Variants in FAT2 observed in about 807,000 individuals in gnomAD.
FAT2 encodes the protein protocadherin Fat 2.
FAT2 carries 150 observed loss-of-function variants against 295.3 expected under a neutral mutation model. The ratio of observed to expected loss-of-function variants is 0.51; its 90% CI spans 0.44 to 0.58. FAT2 has a LOEUF of 0.58. Ranked by LOEUF, FAT2 falls within the 20% of genes least tolerant of loss-of-function variation. The pLI is 0.00. For synonymous variants in FAT2, 2,026 were observed against 2,150.3 expected (o/e 0.94, Z 1.60); for missense variants, 4,868 against 5,442.7 (o/e 0.89, Z 3.32).
In FAT2 at chr5:151,549,424, G is replaced by T; in HGVS notation, c.4660C>A (p.Arg1554Ser). The change falls in exon 9 of 24, where the codon CGC becomes AGC. Residue 1554 changes from arginine to serine, a missense_variant. By Grantham distance (110) the Arg-to-Ser change is moderately radical. Transcript: ENST00000261800. The stretch of plus-strand genomic sequence containing the variant: ...GCCTCATAATGGAGCTGAGTGAAGC[G>T]GGGTGGGTGGAGGTTTCCATCCTCC... ...HVEDGNLHPP[R>S]FTQLHYEASV... 1 of 1,614,140 alleles carries T rather than the reference G, an allele frequency of 6.2e-7. No individual in the cohort carries two copies. The highest frequency in any genetic ancestry group is 8.5e-7 in the Non-Finnish European group (1 of 1,180,022).
chr5:151,563,009 C>A (rs1046464244), intron 3 of FAT2, among the ~76,000 whole-genome samples: 4 of 152,164 alleles, frequency 2.6e-5, no homozygotes, highest in Non-Finnish European at 5.9e-5. Context: ...CAATGGGCAA[C>A]CTGCTTAGTT....
Position 151,521,679 on chromosome 5 carries a change from G to T in FAT2, c.10914C>A (p.Leu3638=). 6.2e-7 allele frequency: 1 copy of T among 1,613,998 alleles called. No homozygotes were observed. The highest frequency in any genetic ancestry group is 1.1e-5 in the South Asian group (1 of 91,082). The change falls in exon 19 of 24, where the codon CTC becomes CTA. Residue 3638 remains leucine (L), a synonymous_variant. Transcript: ENST00000261800. ...QQAMWMGFYQ[L]TPEELVSDHW... is the part of the protein sequence containing the mutation. ...GGTCACTCACCAGCTCCTCGGGGGT[G>T]AGCTGGTAGAAGCCCATCCACATGG...
At chr5:151,556,919 G>A (rs1757749241) in intron 3 of FAT2, among the ~76,000 whole-genome samples, 1 of 152,138 alleles carries the variant, frequency 6.6e-6, no homozygotes, top group Admixed American at 6.5e-5. Context: ...AACACTAAGG[G>A]GAAATGAAAC....
chr5:151,567,014 T>C lies in FAT2; in HGVS notation c.1918A>G (p.Ile640Val). 2 of 1,614,160 alleles carry C rather than the reference T, an allele frequency of 1.2e-6. No homozygotes were observed. The highest frequency in any genetic ancestry group is 2.7e-5 in the African/African-American group (2 of 75,060). Residue 640 changes from isoleucine (I) to valine (V), a missense_variant, in exon 2 of 24, where the codon ATT becomes GTT. By Grantham distance (29) the Ile-to-Val change is conservative. Transcript: ENST00000261800. ...TAGTTTTTGCCATCTGAGGCTGTAA[T>C]CTTCAGGGAATAACTGGTGGGTTGA... ...AGQPTSYSLK[I>V]TASDGKNYAS...
intron 4 of FAT2, among the ~76,000 whole-genome samples, chr5:151,555,401 C>T (rs888909623): frequency 1.5e-5 from 2 of 135,984 alleles, no homozygotes; most frequent in African/African-American, 5.6e-5. Context: ...GACTGAGTCT[C>T]GCTCTATCGC....
rs1761411673 is a variant in FAT2, at chr5:151,512,660, T to C, written c.11464-54A>G. On this transcript the variant is annotated intron_variant, in intron 20 of 23. Coordinates refer to ENST00000261800, the MANE Select transcript of FAT2 (RefSeq NM_001447.3). The surrounding 1 kb of genome is among the most constrained non-coding windows in gnomAD (Gnocchi z 4.1). ...CAAAGCCAAGGAGTCCTTGTAAACCTGCTAAGAGGCTGCCAGTTCAAAGAA... is the reference window on the plus strand; with the variant it reads ...CAAAGCCAAGGAGTCCTTGTAAACCCGCTAAGAGGCTGCCAGTTCAAAGAA... The C allele has an allele frequency of 1.9e-5, 27 of 1,454,546 alleles. No individual in the cohort carries two copies. In the South Asian group the frequency reaches 3.4e-4, roughly 18 times the overall value. 90.1% of individuals were successfully genotyped at this position (1,454,546 alleles called of 1,614,324 possible).
Position 151,537,215 on chromosome 5 carries a change from G to A in FAT2, c.9193+578C>T, listed in dbSNP as rs552106828. On this transcript the variant is annotated intron_variant, in intron 12 of 23. Coordinates refer to ENST00000261800, the MANE Select transcript of FAT2 (RefSeq NM_001447.3). ...AGAGAGAGAGAAAGAAGAAGAGGAAGAAGAAGAGGAGGAGGAGGAAGAAGA... is the reference window on the plus strand; with the variant it reads ...AGAGAGAGAGAAAGAAGAAGAGGAAAAAGAAGAGGAGGAGGAGGAAGAAGA... Among the ~76,000 whole-genome samples the A allele has an allele frequency of 2.6e-4, 34 of 132,798 alleles. 2 individuals carry two copies. In the South Asian group the frequency reaches 9.5e-3, roughly 37 times the overall value. The allele number at this position is 132,798 out of a possible 152,430, so 87.1% of individuals were successfully genotyped here.
At chr5:151,592,176 C>T (rs1356937240), upstream of FAT2, among the ~76,000 whole-genome samples, 2 of 152,326 alleles carry the variant, frequency 1.3e-5, no homozygotes, top group Admixed American at 6.5e-5. Flanking sequence ...TTCCATTACG[C>T]ACCCTGTGTT....
chr5:151,569,994 G>C (rs1758457663), intron 1 of FAT2, among the ~76,000 whole-genome samples: 1 of 152,218 alleles, frequency 6.6e-6, no homozygotes, highest in Admixed American at 6.5e-5. Flanking sequence ...GTAGAATAAG[G>C]ATAAGAAAAT....
chr5:151,551,565 C>T lies in FAT2; in HGVS notation c.4198G>A (p.Gly1400Ser), dbSNP rs767082929. The change falls in exon 7 of 24, where the codon GGC becomes AGC. Residue 1400 changes from glycine (G) to serine (S), a missense_variant. By Grantham distance (56) the Gly-to-Ser change is moderately conservative. This residue lies in a region of FAT2 where 3,297 missense variants were observed against 3,669.4 expected (regional missense o/e 0.90). Coordinates refer to ENST00000261800, the MANE Select transcript of FAT2 (RefSeq NM_001447.3). ...DMDFDIEKTT[G>S]SIVIARPLDT... The stretch of plus-strand genomic sequence containing the variant: ...AGAGGCCTGGCAATGACGATGCTGC[C>T]TGTGGTCTTCTCAATGTCAAAGTCC... The T allele has an allele frequency of 7.4e-6, 12 of 1,614,076 alleles. No homozygotes were observed. Among genetic ancestry groups the T allele is most frequent in the African/African-American group, 5.3e-5 (4 of 74,938 alleles).
At position 151,556,412 on chromosome 5, in the gene FAT2, AGAT is replaced by A. The variant is rs747572469; in HGVS notation, c.3575-13_3575-11del. The A allele has an allele frequency of 1.9e-5, 31 of 1,610,674 alleles. No homozygotes were observed. Among genetic ancestry groups the A allele is most frequent in the Non-Finnish European group, 2.5e-5 (29 of 1,177,780 alleles). ...GCTGTAGATAGGAGACCTGAGAGAG[AGAT>A]GATAAGGGAGAGACATGAGCAGAAG... On this transcript the variant is annotated splice_polypyrimidine_tract_variant and intron_variant, in intron 3 of 23. Coordinates refer to ENST00000261800, the MANE Select transcript of FAT2 (RefSeq NM_001447.3).
chr5:151,547,768 A>G (rs938997045), intron 9 of FAT2, among the ~76,000 whole-genome samples: 9 of 152,228 alleles, frequency 5.9e-5, no homozygotes, highest in African/African-American at 2.2e-4. Flanking sequence ...TGAAAGAAAG[A>G]AATCAGGGCA....
At chr5:151,571,218 C>G (rs1435585701) in intron 1 of FAT2, among the ~76,000 whole-genome samples, 1 of 151,976 alleles carries the variant, frequency 6.6e-6, no homozygotes, top group Non-Finnish European at 1.5e-5. Flanking sequence ...ACTCACCCTA[C>G]CCCTGACCCA....
Position 151,509,952 on chromosome 5 carries a change from C to A in FAT2, c.12059+69G>T, listed in dbSNP as rs948813555. ...CTCCCCTGGCCTCCCATTGGACTTT[C>A]TAGAGGTCAGAGTACAGAGCGCATT... is the stretch of plus-strand genomic sequence containing the variant. On this transcript the variant is annotated intron_variant, in intron 22 of 23. Coordinates refer to ENST00000261800, the MANE Select transcript of FAT2 (RefSeq NM_001447.3). 3.2e-6 allele frequency: 5 copies of A among 1,559,542 alleles called. No homozygotes were observed. The East Asian group carries it at 6.8e-5, about 21-fold the overall frequency.
At chr5:151,573,552 G>A (rs1397157274) in intron 1 of FAT2, among the ~76,000 whole-genome samples, 9 of 152,220 alleles carry the variant, frequency 5.9e-5, no homozygotes, top group Non-Finnish European at 7.3e-5. Flanking sequence ...TACTCGGGAG[G>A]CTGAGGCAGG....
chr5:151,549,447 T>A lies in FAT2; in HGVS notation c.4637A>T (p.Glu1546Val). 6.2e-7 allele frequency: 1 copy of A among 1,614,168 alleles called. No individual in the cohort carries two copies. ...GCGGGGTGGGTGGAGGTTTCCATCC[T>A]CCACATGAATGGTCACCCACACGAA... ...RNFVWVTIHV[E>V]DGNLHPPRFT... The change falls in exon 9 of 24, where the codon GAG (glutamate) becomes GTG (valine). Residue 1546 changes from glutamate to valine, a missense_variant. This residue lies in a region of FAT2 where 3,297 missense variants were observed against 3,669.4 expected (regional missense o/e 0.90). Transcript: ENST00000261800.
intron 3 of FAT2, among the ~76,000 whole-genome samples, chr5:151,558,766 GATAA>G (rs1183378266): frequency 6.6e-6 from 1 of 152,164 alleles, no homozygotes; most frequent in African/African-American, 2.4e-5. Flanking sequence ...GGCTGGTGCA[GATAA>G]ATAGAGAGGG....
At chr5:151,517,906 G>T in intron 19 of FAT2, 141 bp from the exon 20 acceptor site, 1 of 1,037,064 alleles carries the variant, frequency 9.6e-7, no homozygotes, top group Non-Finnish European at 1.4e-6. Context: ...GGCTGGGTGT[G>T]GGGTGTGCCA....
At chr5:151,551,755 G>T in intron 6 of FAT2, 149 bp from the exon 7 acceptor site, 1 of 653,594 alleles carries the variant, frequency 1.5e-6, no homozygotes, top group South Asian at 3.3e-5. Flanking sequence ...ATTCTCCCAG[G>T]GAGTCCCAAA....
Sources: gnomAD v4.1 joint callset for allele counts (sites outside exome capture counted in the v4.1 genomes callset) on GRCh38, gnomAD v4.1.1 for gene constraint, gnomAD v4.1.1 regional missense constraint, Gnocchi (gnomAD v3.1) non-coding constraint, MANE v1.5 for transcripts, NCBI Gene and HGNC (gene_info 2026-07-23, HGNC 2026-07-21) for gene names.